The following ARHGAP26 variants were observed in gnomAD, a reference collection of about 807,000 sequenced individuals.
The protein encoded by ARHGAP26 is Rho GTPase activating protein 26.
ARHGAP26 carries 38 observed loss-of-function variants against 104.8 expected under a neutral mutation model. That is an observed-to-expected ratio of 0.36 (90% CI 0.28 to 0.48). The LOEUF is 0.48. Among genes scored for constraint, ARHGAP26 ranks in the 20% least tolerant of loss-of-function variants. The pLI, the probability that ARHGAP26 is intolerant of heterozygous loss-of-function variation, is 0.99. For synonymous variants in ARHGAP26, 341 were observed against 340.0 expected, an observed-to-expected ratio of 1.00 and a Z score of -0.03; for missense variants, 704 against 947.9, an observed-to-expected ratio of 0.74 and a Z score of 3.38.
rs10672936 is a variant in ARHGAP26, at chr5:143,056,316, CTTTTTTTTTTTTT to C, written c.1432+242_1432+254del. 4.1e-3 allele frequency among the ~76,000 whole-genome samples: 330 copies of C among 80,114 alleles called. 3 individuals are homozygous for C. Among genetic ancestry groups the C allele is most frequent in the African/African-American group, 0.015 (306 of 21,006 alleles). The allele number at this position is 80,114 out of a possible 152,430, so 52.6% of individuals were successfully genotyped here. On this transcript the variant is annotated intron_variant, in intron 16 of 22. Transcript: ENST00000645722. The stretch of plus-strand genomic sequence containing the variant: ...AGCAGAGGACAGAAACTTCAGAAGT[CTTTTTTTTTTTTT>C]TTTTTTTTTTTGAGGGGAGGAGGAT...
At chr5:143,003,631 A>G (rs956511036) in intron 11 of ARHGAP26, among the ~76,000 whole-genome samples, 2 of 152,210 alleles carry the variant, frequency 1.3e-5, no homozygotes, top group African/African-American at 4.8e-5. Context: ...TAGGAGCAGT[A>G]AGAGATCAAA....
intron 11 of ARHGAP26, among the ~76,000 whole-genome samples, chr5:142,975,967 A>G (rs143780679): frequency 6.6e-6 from 1 of 152,338 alleles, no homozygotes; most frequent in East Asian, 1.9e-4. Flanking sequence ...CACCGTATGG[A>G]GGAAAAACTC....
intron 11 of ARHGAP26, among the ~76,000 whole-genome samples, chr5:142,992,172 T>G (rs1775711070): frequency 6.6e-6 from 1 of 152,138 alleles, no homozygotes. Flanking sequence ...TGAGTGTTAA[T>G]TACTCTTTCT....
intron 8 of ARHGAP26, 149 bp from the exon 9 acceptor site, chr5:142,907,555 C>A: frequency 2.5e-6 from 1 of 404,388 alleles, no homozygotes; most frequent in Middle Eastern, 6.4e-4. Context: ...TCTATTCATT[C>A]TAGCTAGTGT....
At chr5:143,154,092 G>A (rs114534) in intron 20 of ARHGAP26, among the ~76,000 whole-genome samples, 87,783 of 150,928 alleles carry the variant, frequency 0.58, 25,780 homozygotes, top group Middle Eastern at 0.75. Flanking sequence ...TTCCACAAAT[G>A]TCAATTGAAC....
At chr5:142,930,377 G>C (rs1249029768) in intron 10 of ARHGAP26, among the ~76,000 whole-genome samples, 1 of 152,184 alleles carries the variant, frequency 6.6e-6, no homozygotes, top group Non-Finnish European at 1.5e-5. Flanking sequence ...GTGGGCACTT[G>C]GTTGGGTCTG....
At chr5:142,960,871 C>T (rs1198362899) in intron 11 of ARHGAP26, among the ~76,000 whole-genome samples, 1 of 152,174 alleles carries the variant, frequency 6.6e-6, no homozygotes, top group Non-Finnish European at 1.5e-5. Flanking sequence ...TGCTGGTCTT[C>T]AGTGTTCTTC....
chr5:143,103,760 A>G (rs896903640), intron 17 of ARHGAP26, among the ~76,000 whole-genome samples: 1 of 152,182 alleles, frequency 6.6e-6, no homozygotes, highest in Admixed American at 6.5e-5. Context: ...ACATATGGGC[A>G]CAGGGAGGGG....
chr5:143,044,434 T>C (rs1018642767), intron 14 of ARHGAP26, among the ~76,000 whole-genome samples: 1 of 152,206 alleles, frequency 6.6e-6, no homozygotes, highest in African/African-American at 2.4e-5. Flanking sequence ...AGTGCCTTTC[T>C]TGACCATGTT....
intron 11 of ARHGAP26, among the ~76,000 whole-genome samples, chr5:143,009,312 C>T (rs1778419147): frequency 6.6e-6 from 1 of 152,184 alleles, no homozygotes; most frequent in Admixed American, 6.5e-5. Context: ...TCATCATCGT[C>T]GTCATTGTCA....
chr5:142,843,065 C>T (rs910013715), intron 1 of ARHGAP26, among the ~76,000 whole-genome samples: 4 of 152,168 alleles, frequency 2.6e-5, no homozygotes, highest in Admixed American at 6.5e-5. Context: ...GGACCTACCC[C>T]GCCTTTGGCA....
chr5:142,983,179 C>T (rs940450816), intron 11 of ARHGAP26, among the ~76,000 whole-genome samples: 1 of 152,112 alleles, frequency 6.6e-6, no homozygotes, highest in Non-Finnish European at 1.5e-5. Flanking sequence ...TGCTACCCCA[C>T]GGTGAATTAG....
At chr5:142,776,353 A>T (rs967919093) in intron 1 of ARHGAP26, among the ~76,000 whole-genome samples, 29 of 152,196 alleles carry the variant, frequency 1.9e-4, no homozygotes, top group Non-Finnish European at 1.0e-4. Flanking sequence ...GTTTTAGAAC[A>T]TTTTTAGCAC....
chr5:143,129,078 A>C (rs1268580466), intron 18 of ARHGAP26, among the ~76,000 whole-genome samples: 5 of 152,252 alleles, frequency 3.3e-5, no homozygotes, highest in Non-Finnish European at 5.9e-5. Flanking sequence ...AATGCTCTGC[A>C]ATGTCAAGAT....
At chr5:143,108,042 T>C (rs927392362) in intron 17 of ARHGAP26, among the ~76,000 whole-genome samples, 1 of 152,222 alleles carries the variant, frequency 6.6e-6, no homozygotes, top group Non-Finnish European at 1.5e-5. Context: ...AACACTGTTA[T>C]TTTGTATGGA....
In ARHGAP26 at chr5:143,222,481, G is replaced by A. The variant is rs1811336509; in HGVS notation, c.*35G>A. 6.5e-7 allele frequency: 1 copy of A among 1,531,462 alleles called. No homozygotes were observed. The highest frequency in any genetic ancestry group is 2.3e-5 in the East Asian group (1 of 43,718). 94.9% of individuals were successfully genotyped at this position (1,531,462 alleles called of 1,614,324 possible). On this transcript the variant is annotated 3_prime_UTR_variant, in exon 23 of 23. Coordinates refer to ENST00000645722, the MANE Select transcript of ARHGAP26 (RefSeq NM_001135608.3). ...CCAGCAGAACTGCTGAGCTTTACAT[G>A]GTATCCATGACAACTGCTGATTCCA...
At position 142,839,286 on chromosome 5, in the gene ARHGAP26, A is replaced by G. The variant is rs561909318; in HGVS notation, c.155-34114A>G. Among the ~76,000 whole-genome samples the G allele has an allele frequency of 1.4e-4, 21 of 152,334 alleles. No homozygotes were observed. In the South Asian group the frequency reaches 2.1e-3, roughly 15 times the overall value. ...TATCTGAGCACCTTCAGACACTTAAAGAGTGCCTGGCACATAGCAAGCACT... is the reference window on the plus strand; with the variant it reads ...TATCTGAGCACCTTCAGACACTTAAGGAGTGCCTGGCACATAGCAAGCACT... On this transcript the variant is annotated intron_variant, in intron 1 of 22. Coordinates refer to ENST00000645722, the MANE Select transcript of ARHGAP26 (RefSeq NM_001135608.3).
chr5:142,889,327 A>C (rs1758155435), intron 5 of ARHGAP26, among the ~76,000 whole-genome samples: 1 of 152,184 alleles, frequency 6.6e-6, no homozygotes, highest in Non-Finnish European at 1.5e-5. Context: ...CTAGTAGTCT[A>C]GTAGGCCAGG....
At chr5:142,790,135 C>T (rs142244436) in intron 1 of ARHGAP26, among the ~76,000 whole-genome samples, 1 of 152,050 alleles carries the variant, frequency 6.6e-6, no homozygotes. Flanking sequence ...TGTGGGCAGA[C>T]AAACAAGTAA....
Sources: gnomAD v4.1 joint callset for allele counts (sites outside exome capture counted in the v4.1 genomes callset) on GRCh38, gnomAD v4.1.1 for gene constraint, MANE v1.5 for transcripts, NCBI Gene and HGNC (gene_info 2026-07-23, HGNC 2026-07-21) for gene names.